The following BTNL3 variants were observed in gnomAD, a reference collection of about 807,000 sequenced individuals.
BTNL3 encodes the protein butyrophilin like 3, also known as butyrophilin-like protein 3.
Under a neutral mutation model 40.1 loss-of-function variants are expected in BTNL3, and 20 were observed. That is an observed-to-expected ratio of 0.50 (90% CI 0.35 to 0.72). The LOEUF is 0.72. Ranked by LOEUF, BTNL3 falls within the 30% of genes least tolerant of loss-of-function variation. The pLI is 0.01. For synonymous variants in BTNL3, 179 were observed against 222.1 expected, an observed-to-expected ratio of 0.81 and a Z score of 1.73; for missense variants, 449 against 582.2, an observed-to-expected ratio of 0.77 and a Z score of 2.35.
At chr5:181,000,771 A>T (rs1760097797) in intron 3 of BTNL3, among the ~76,000 whole-genome samples, 1 of 134,236 alleles carries the variant, frequency 7.4e-6, no homozygotes, top group South Asian at 2.2e-4. Flanking sequence ...GCGCCACTGC[A>T]GTCCGCAGTC....
At chr5:180,989,129 G>A in intron 1 of BTNL3, 52 bp downstream of exon 1, 1 of 1,396,784 alleles carries the variant, frequency 7.2e-7, no homozygotes. Context: ...ATAATATTTT[G>A]AGTTCATTCA....
intron 2 of BTNL3, among the ~76,000 whole-genome samples, chr5:180,996,772 C>T (rs1760039068): frequency 7.3e-6 from 1 of 136,694 alleles, no homozygotes. Flanking sequence ...CTGTGCCTTT[C>T]CCTGACAGTT....
intron 2 of BTNL3, among the ~76,000 whole-genome samples, chr5:180,996,501 C>T (rs1024427047): frequency 7.3e-6 from 1 of 136,836 alleles, no homozygotes; most frequent in African/African-American, 2.5e-5. Context: ...GGCAAGTCCA[C>T]GTTGCTCAGG....
rs1760239885 is a variant in BTNL3, at chr5:181,006,691, A to G, written c.*819A>G. The G allele has an allele frequency of 6.6e-6, 1 of 152,248 alleles. No individual in the cohort carries two copies. Among genetic ancestry groups the G allele is most frequent in the African/African-American group, 2.4e-5 (1 of 41,460 alleles). The allele number at this position is 152,248 out of a possible 1,614,324, so 9.4% of individuals were successfully genotyped here. The stretch of plus-strand genomic sequence containing the variant: ...TTAATATTTAAATATCAACCAGTGT[A>G]ATTCAGCACATTAATAAAGTAAAAA... On this transcript the variant is annotated 3_prime_UTR_variant, in exon 8 of 8. Coordinates refer to ENST00000342868, the MANE Select transcript of BTNL3 (RefSeq NM_197975.3).
chr5:180,997,129 G>A, intron 2 of BTNL3, 84 bp from the exon 3 acceptor site: 1 of 1,432,348 alleles, frequency 7.0e-7, no homozygotes, highest in South Asian at 1.1e-5. Flanking sequence ...GTGTGTTATG[G>A]GTACAGGCTT....
rs928775942 is a variant in BTNL3, at chr5:180,997,593, A to G, written c.673+105A>G. ...TGTTGTGTAGTACCATCCAGCTTCA[A>G]TGATTTGTTTTGAGAGTCAAAGATT... On this transcript the variant is annotated intron_variant, in intron 3 of 7. Transcript: ENST00000342868. The G allele has an allele frequency of 2.9e-5, 40 of 1,374,336 alleles. 8 individuals are homozygous for G. Among genetic ancestry groups the G allele is most frequent in the Non-Finnish European group, 3.2e-5 (32 of 1,003,118 alleles). 85.1% of individuals were successfully genotyped at this position (1,374,336 alleles called of 1,614,324 possible).
chr5:181,002,946 G>T (rs981617984), intron 4 of BTNL3, among the ~76,000 whole-genome samples, 161 bp downstream of exon 4: 2 of 136,284 alleles, frequency 1.5e-5, no homozygotes, highest in Non-Finnish European at 3.3e-5. Context: ...CCTCCTCTGT[G>T]CTGGCCTGAA....
chr5:180,997,410 G>A lies in BTNL3; in HGVS notation c.595G>A (p.Glu199Lys). 1 of 1,460,612 alleles carries A rather than the reference G, an allele frequency of 6.8e-7. No individual in the cohort carries two copies. Among genetic ancestry groups the A allele is most frequent in the Non-Finnish European group, 9.5e-7 (1 of 1,057,554 alleles). The allele number at this position is 1,460,612 out of a possible 1,614,324, so 90.5% of individuals were successfully genotyped here. A position where few individuals can be genotyped will look rare whatever the true frequency, so the allele number is the denominator to read the frequency against. Residue 199 changes from glutamate to lysine, a missense_variant, in exon 3 of 8, where the codon GAA becomes AAA. This residue lies in a region of BTNL3 where 323 missense variants were observed against 464.9 expected (regional missense o/e 0.69). Transcript: ENST00000342868. ...YDVEISIIVQ[E>K]NAGSILCSIH... ...TGTGGAGATCTCCATTATAGTCCAG[G>A]AAAATGCTGGGAGCATATTGTGTTC...
In BTNL3 at chr5:180,993,101, G is replaced by T. The variant is rs756912294; in HGVS notation, c.338G>T (p.Gly113Val). 8 of 1,451,616 alleles carry T rather than the reference G, an allele frequency of 5.5e-6. 2 individuals are homozygous for T. In the Admixed American group the frequency reaches 1.6e-4, roughly 28 times the overall value. The allele number at this position is 1,451,616 out of a possible 1,614,324, so 89.9% of individuals were successfully genotyped here. A position where few individuals can be genotyped will look rare whatever the true frequency, so the allele number is the denominator to read the frequency against. ...ACTCCCTCGGACATCGGCCTGTATG[G>T]GTGCTGGTTCAGTTCCCAGATTTAC... Reference protein sequence around the residue: ...NITPSDIGLYGCWFSSQIYDE... With the variant: ...NITPSDIGLYVCWFSSQIYDE... Residue 113 changes from glycine (G) to valine (V), a missense_variant, in exon 2 of 8, where the codon GGG becomes GTG. Around this residue, in one of 2 missense-constraint regions of BTNL3, gnomAD observed 323 missense variants for 464.9 expected, o/e 0.69. Coordinates refer to ENST00000342868, the MANE Select transcript of BTNL3 (RefSeq NM_197975.3).
rs116540957 is a variant in BTNL3 at position 180,996,360 on chromosome 5, G to A, written c.398-853G>A. 1.3e-4 allele frequency among the ~76,000 whole-genome samples: 18 copies of A among 135,544 alleles called. 4 individuals carry two copies. The highest frequency in any genetic ancestry group is 3.0e-4 in the African/African-American group (12 of 39,488). 88.9% of individuals were successfully genotyped at this position (135,544 alleles called of 152,430 possible). On this transcript the variant is annotated intron_variant, in intron 2 of 7. Transcript: ENST00000342868. ...GTTGCATGGCGGGTCACTCTCCTCC[G>A]GAGTGTTCTCTATGGTCCCTCCTCC...
At chr5:180,990,053 G>A (rs1331359758) in intron 1 of BTNL3, among the ~76,000 whole-genome samples, 2 of 136,484 alleles carry the variant, frequency 1.5e-5, no homozygotes, top group African/African-American at 5.0e-5. Context: ...CCAGCTACTC[G>A]GGAGGCTGAG....
In BTNL3 at chr5:181,002,471, A is replaced by AATATATATATAT. The variant is rs56895500; in HGVS notation, c.674-178_674-167dup. On this transcript the variant is annotated intron_variant, in intron 3 of 7. Transcript: ENST00000342868. ...TAACGCGCACACACACACACACGTGAATATATATATATATATATATATATA... is the reference window on the plus strand; with the variant it reads ...TAACGCGCACACACACACACACGTGAATATATATATATATATATATATATATATATATATATA... Among the ~76,000 whole-genome samples, 639 of 73,762 alleles carry AATATATATATAT rather than the reference A, an allele frequency of 8.7e-3. 21 individuals carry two copies. The highest frequency in any genetic ancestry group is 0.012 in the Admixed American group (64 of 5,480). The allele number at this position is 73,762 out of a possible 152,430, so 48.4% of individuals were successfully genotyped here.
rs1260339196 is a variant in BTNL3 at position 180,990,794 on chromosome 5, AGTG to A, written c.49+1718_49+1720del. On this transcript the variant is annotated intron_variant, in intron 1 of 7. Transcript: ENST00000342868. ...GAAACAAAAGTGACAGGGTGCAGAGAGTGAAGCCAGCGGGAGGTAAGCCATAGA... is the reference window on the plus strand; with the variant it reads ...GAAACAAAAGTGACAGGGTGCAGAGAAAGCCAGCGGGAGGTAAGCCATAGA... Among the ~76,000 whole-genome samples, 4 of 136,508 alleles carry A rather than the reference AGTG, an allele frequency of 2.9e-5. 1 individual carries two copies. The highest frequency in any genetic ancestry group is 2.3e-4 in the Admixed American group (3 of 13,004). 89.6% of individuals were successfully genotyped at this position (136,508 alleles called of 152,430 possible).
rs1179109875 is a variant in BTNL3 at position 181,001,366 on chromosome 5, C to T, written c.674-1306C>T. Among the ~76,000 whole-genome samples the T allele has an allele frequency of 2.2e-5, 3 of 135,928 alleles. 1 individual carries two copies. The highest frequency in any genetic ancestry group is 7.6e-5 in the African/African-American group (3 of 39,488). The allele number at this position is 135,928 out of a possible 152,430, so 89.2% of individuals were successfully genotyped here. On this transcript the variant is annotated intron_variant, in intron 3 of 7. Coordinates refer to ENST00000342868, the MANE Select transcript of BTNL3 (RefSeq NM_197975.3). ...TCACCCATGCTGGAGTATAGTGGTG[C>T]AATCATGGCTCATTGCAACCTCAAT...
Position 181,005,646 on chromosome 5 carries a change from A to T in BTNL3, c.1175A>T (p.Asn392Ile), listed in dbSNP as rs1169932710. 2.5e-6 allele frequency: 4 copies of T among 1,613,924 alleles called. No individual in the cohort carries two copies. Among genetic ancestry groups the T allele is most frequent in the Non-Finnish European group, 3.4e-6 (4 of 1,179,958 alleles). Residue 392 changes from asparagine (N) to isoleucine (I), a missense_variant, in exon 8 of 8, where the codon AAT (asparagine) becomes ATT (isoleucine). Asn to Ile is a moderately radical substitution (Grantham distance 149). This residue lies in a region of BTNL3 where 126 missense variants were observed against 117.2 expected (regional missense o/e 1.07). Transcript: ENST00000342868. ...LTTEHLYFTF[N>I]PHFISLPPST... is the part of the protein sequence containing the mutation. ...ACAGAACATTTGTATTTCACATTCAATCCCCATTTTATCAGCCTCCCCCCC... is the reference window on the plus strand; with the variant it reads ...ACAGAACATTTGTATTTCACATTCATTCCCCATTTTATCAGCCTCCCCCCC...
At chr5:180,991,162 C>T (rs1011072012) in intron 1 of BTNL3, among the ~76,000 whole-genome samples, 1 of 137,358 alleles carries the variant, frequency 7.3e-6, no homozygotes, top group Admixed American at 7.7e-5. Context: ...ACATCTGCTA[C>T]ACCAGGTCAG....
chr5:181,004,561 T>A, intron 6 of BTNL3, 118 bp downstream of exon 6: 2 of 1,427,186 alleles, frequency 1.4e-6, no homozygotes, highest in South Asian at 1.3e-5. Flanking sequence ...ATGGGAACTC[T>A]GAAATTGCAG....
rs1223296854 is a variant in BTNL3, at chr5:180,999,586, G to A, written c.673+2098G>A. 2.9e-5 allele frequency among the ~76,000 whole-genome samples: 4 copies of A among 136,738 alleles called. 1 individual carries two copies. Among genetic ancestry groups the A allele is most frequent in the African/African-American group, 1.0e-4 (4 of 39,698 alleles). The allele number at this position is 136,738 out of a possible 152,430, so 89.7% of individuals were successfully genotyped here. A position where few individuals can be genotyped will look rare whatever the true frequency, so the allele number is the denominator to read the frequency against. ...AGGCTGAGGCGGGCAGATCGCTTGA[G>A]GTCAGGAGTTTGAGACCAGCCTGCC... On this transcript the variant is annotated intron_variant, in intron 3 of 7. Transcript: ENST00000342868.
At chr5:181,002,351 C>A (rs549927589) in intron 3 of BTNL3, among the ~76,000 whole-genome samples, 4 of 65,656 alleles carry the variant, frequency 6.1e-5, no homozygotes, top group African/African-American at 1.6e-4. Context: ...CATAGACACA[C>A]ACACACACAC....
Sources: allele counts gnomAD v4.1 joint callset (sites outside exome capture counted in the v4.1 genomes callset), GRCh38; gene constraint gnomAD v4.1.1; regional missense constraint gnomAD v4.1.1; transcripts MANE v1.5; gene names NCBI Gene and HGNC (gene_info 2026-07-23, HGNC 2026-07-21).